Variants in TAF1 observed in about 807,000 individuals in gnomAD.
TAF1 encodes TATA-box binding protein associated factor 1.
A neutral mutation model predicts 138.5 loss-of-function variants in TAF1; 2 were observed. The ratio of observed to expected loss-of-function variants is 0.01; its 90% CI spans 0.01 to 0.05. TAF1 has a LOEUF of 0.05. Ranked by LOEUF, TAF1 falls within the 10% of genes least tolerant of loss-of-function variation. The pLI is 1.00. For missense variants in TAF1, 709 were observed against 1,478.0 expected, an observed-to-expected ratio of 0.48 and a Z score of 8.53; for synonymous variants, 437 against 503.2, an observed-to-expected ratio of 0.87 and a Z score of 1.76.
rs576241830 is a variant in TAF1 at position 71,512,111 on chromosome X, G to C, written c.1367-16431G>C. Among the ~76,000 whole-genome samples, 7 of 109,787 alleles carry C rather than the reference G, an allele frequency of 6.4e-5. No individual in the cohort carries two copies. In the South Asian group the frequency reaches 2.3e-3, roughly 37 times the overall value. On this transcript the variant is annotated intron_variant and NMD_transcript_variant, in intron 13 of 14. Coordinates refer to the TAF1 transcript ENST00000373775. ...AGGCGGATCACAAGGTCAGGAGATC[G>C]AGACCATCCTGGCTAACATGGTGAA... is the stretch of plus-strand genomic sequence containing the variant.
At chrX:71,445,193 A>T (rs1019034593) in intron 32 of TAF1, among the ~76,000 whole-genome samples, 1 of 107,236 alleles carries the variant, frequency 9.3e-6, no homozygotes, top group Non-Finnish European at 1.9e-5. Context: ...CTAGCTACTC[A>T]GGAGGCTGAG....
chrX:71,523,431 C>G (rs1220406749), intron 13 of TAF1, among the ~76,000 whole-genome samples: 4 of 111,421 alleles, frequency 3.6e-5, no homozygotes, highest in African/African-American at 6.5e-5. Flanking sequence ...TGCAATACTC[C>G]TTTCTTTCTG....
chrX:71,394,772 T>C (rs1416996179), intron 22 of TAF1, among the ~76,000 whole-genome samples: 1 of 111,603 alleles, frequency 9.0e-6, no homozygotes, highest in African/African-American at 3.3e-5. Flanking sequence ...GCTGGGACTA[T>C]AGGTGCATGC....
chrX:71,477,913 G>A (rs1319559420), intron 13 of TAF1, among the ~76,000 whole-genome samples: 1 of 110,764 alleles, frequency 9.0e-6, no homozygotes, highest in African/African-American at 3.3e-5. Context: ...AGACTCACTT[G>A]AGCGCAGGAG....
intron 13 of TAF1, among the ~76,000 whole-genome samples, chrX:71,524,778 T>A (rs779179458): frequency 1.5e-3 from 162 of 108,901 alleles, no homozygotes; most frequent in South Asian, 2.8e-3. Flanking sequence ...CCATCTCTAC[T>A]AAAAATACAA....
At chrX:71,440,124 C>G in intron 32 of TAF1, among the ~76,000 whole-genome samples, 1 of 111,569 alleles carries the variant, frequency 9.0e-6, no homozygotes. Context: ...CACCACTGTT[C>G]CTGTTCCACT....
In TAF1 at chrX:71,366,603, A is replaced by G. The variant is rs944137872; in HGVS notation, c.120+109A>G. On this transcript the variant is annotated intron_variant, in intron 1 of 37. Transcript: ENST00000423759. The stretch of plus-strand genomic sequence containing the variant: ...CAGGCAGCGAGAACAGGGCGCAGCT[A>G]ACGCCGGGGAGGAGGATCCCGTCCT... The G allele has an allele frequency of 1.5e-5, 12 of 816,290 alleles. 1 individual carries two copies. The Admixed American group carries it at 4.2e-4, about 28-fold the overall frequency. 67.3% of individuals were successfully genotyped at this position (816,290 alleles called of 1,213,427 possible). A position where few individuals can be genotyped will look rare whatever the true frequency, so the allele number is the denominator to read the frequency against.
intron 32 of TAF1, among the ~76,000 whole-genome samples, chrX:71,440,945 T>C (rs1161938534): frequency 9.0e-6 from 1 of 110,575 alleles, no homozygotes; most frequent in Non-Finnish European, 1.9e-5. Context: ...CCTTCTTCCT[T>C]CTTTCTTCTT....
chrX:71,450,866 T>C (rs1216411932), intron 32 of TAF1, among the ~76,000 whole-genome samples: 2 of 112,236 alleles, frequency 1.8e-5, no homozygotes, highest in Non-Finnish European at 3.8e-5. Flanking sequence ...ATGCCTTCAG[T>C]GTCTAGGCAG....
chrX:71,443,661 T>C (rs773792655), intron 32 of TAF1, among the ~76,000 whole-genome samples: 3 of 112,017 alleles, frequency 2.7e-5, no homozygotes, highest in Admixed American at 1.9e-4. Flanking sequence ...TATTTCTTTC[T>C]CTGGCCTGAG....
At chrX:71,499,606 C>A (rs1439264987) in intron 13 of TAF1, among the ~76,000 whole-genome samples, 1 of 111,638 alleles carries the variant, frequency 9.0e-6, no homozygotes, top group Non-Finnish European at 1.9e-5. Flanking sequence ...TTTCCTAATT[C>A]TCTTTAGTCC....
intron 32 of TAF1, among the ~76,000 whole-genome samples, chrX:71,440,939 C>A (rs2148712620): frequency 9.1e-6 from 1 of 110,045 alleles, no homozygotes; most frequent in African/African-American, 3.3e-5. Context: ...TTTCTCCCTT[C>A]TTCCTTCTTT....
intron 14 of TAF1, among the ~76,000 whole-genome samples, chrX:71,386,343 G>A (rs897384299): frequency 9.0e-5 from 10 of 111,300 alleles, no homozygotes; most frequent in Non-Finnish European, 1.7e-4. Context: ...TCCCTATCTT[G>A]CCTCTACTTA....
chrX:71,496,381 C>T, intron 13 of TAF1, among the ~76,000 whole-genome samples: 1 of 112,266 alleles, frequency 8.9e-6, no homozygotes, highest in Non-Finnish European at 1.9e-5. Context: ...GTTGTAGGGT[C>T]ATGGAGAAGA....
chrX:71,478,596 C>T (rs2039019933), intron 13 of TAF1, among the ~76,000 whole-genome samples: 1 of 111,661 alleles, frequency 9.0e-6, no homozygotes, highest in South Asian at 3.8e-4. Context: ...CCTGTAATCT[C>T]AGCATCCCAG....
chrX:71,383,933 C>T (rs758890313), intron 12 of TAF1, 29 bp from the exon 13 acceptor site: 1 of 1,197,269 alleles, frequency 8.4e-7, no homozygotes, highest in Non-Finnish European at 1.1e-6. Flanking sequence ...CTGTCAGGAG[C>T]TAGATGGTAT....
At chrX:71,458,475 C>CAAAGGGCCCAGT in intron 35 of TAF1, 109 bp downstream of exon 35, 1 of 1,027,320 alleles carries the variant, frequency 9.7e-7, no homozygotes. Flanking sequence ...ATGACTGGGC[C>CAAAGGGCCCAGT]CTTTGGCCCT....
intron 24 of TAF1, among the ~76,000 whole-genome samples, chrX:71,399,885 C>T (rs1307813827): frequency 9.1e-6 from 1 of 109,787 alleles, no homozygotes; most frequent in Non-Finnish European, 1.9e-5. Flanking sequence ...GCGCCCGCCA[C>T]CACGCCCAGC....
At chrX:71,463,604 G>GGAGT (rs1230732453) in intron 37 of TAF1, among the ~76,000 whole-genome samples, 3 of 111,785 alleles carry the variant, frequency 2.7e-5, no homozygotes, top group Non-Finnish European at 5.6e-5. Context: ...CAGGTGTAAG[G>GGAGT]GAGTTTCTTC....
Sources: allele counts gnomAD v4.1 joint callset (sites outside exome capture counted in the v4.1 genomes callset), GRCh38; gene constraint gnomAD v4.1.1; transcripts MANE v1.5; gene names NCBI Gene and HGNC (gene_info 2026-07-23, HGNC 2026-07-21).